FAT1: variants seen among roughly 807,000 people sequenced by gnomAD.
The protein encoded by FAT1 is FAT atypical cadherin 1.
A neutral mutation model predicts 329.8 loss-of-function variants in FAT1; 171 were observed. The ratio of observed to expected loss-of-function variants is 0.52; its 90% CI spans 0.46 to 0.59. The LOEUF (loss-of-function observed/expected upper bound fraction) is 0.59. Ranked by LOEUF, FAT1 falls within the 20% of genes least tolerant of loss-of-function variation. The pLI is 0.00. For synonymous variants in FAT1, 2,233 were observed against 2,228.6 expected, an observed-to-expected ratio of 1.00 and a Z score of -0.06; for missense variants, 5,672 against 5,774.4, an observed-to-expected ratio of 0.98 and a Z score of 0.57.
At chr4:186,671,628 G>A (rs888010696) in intron 2 of FAT1, among the ~76,000 whole-genome samples, 5 of 152,084 alleles carry the variant, frequency 3.3e-5, no homozygotes, top group Non-Finnish European at 7.4e-5. Flanking sequence ...GAACCCAGGA[G>A]GTGGAGGTTG....
intron 3 of FAT1, among the ~76,000 whole-genome samples, chr4:186,662,908 C>G (rs533672587): frequency 7.9e-5 from 12 of 152,100 alleles, no homozygotes; most frequent in African/African-American, 2.7e-4. Flanking sequence ...ACCATCTCGG[C>G]TCACTGCAAG....
At chr4:186,599,074 C>T (rs535439963) in intron 22 of FAT1, among the ~76,000 whole-genome samples, 2 of 152,184 alleles carry the variant, frequency 1.3e-5, no homozygotes, top group East Asian at 1.9e-4. Context: ...CAGGAAAGCA[C>T]CTCTCTCAGC....
intron 9 of FAT1, among the ~76,000 whole-genome samples, chr4:186,625,115 A>G (rs990035068): frequency 6.6e-6 from 1 of 152,212 alleles, no homozygotes; most frequent in Non-Finnish European, 1.5e-5. Context: ...CTCAGACACC[A>G]ACAATCATAT....
At chr4:186,606,270 A>G (rs2126449129) in intron 16 of FAT1, 57 bp from the exon 17 acceptor site, 2 of 1,593,538 alleles carry the variant, frequency 1.3e-6, no homozygotes, top group South Asian at 2.3e-5. Context: ...CAGAGCTCCA[A>G]TGAGGAGTGT....
At chr4:186,600,516 A>C (rs1036987110) in intron 21 of FAT1, among the ~76,000 whole-genome samples, 156 bp from the exon 22 acceptor site, 1 of 152,270 alleles carries the variant, frequency 6.6e-6, no homozygotes, top group African/African-American at 2.4e-5. Context: ...TCCACTGTAT[A>C]AATCATTAAA....
rs1738903602 is a variant in FAT1 at position 186,603,160 on chromosome 4, C to T, written c.11350+16G>A. ...ACCATCTGTGACACCGACTTTCATA[C>T]ACTCATGTGCAGTACCTTTGCAGAG... On this transcript the variant is annotated intron_variant, in intron 19 of 26. Coordinates refer to ENST00000441802, the MANE Select transcript of FAT1 (RefSeq NM_005245.4). 1 of 1,611,270 alleles carries T rather than the reference C, an allele frequency of 6.2e-7. No homozygotes were observed. The highest frequency in any genetic ancestry group is 1.1e-5 in the South Asian group (1 of 90,962).
At position 186,618,959 on chromosome 4, in the gene FAT1, T is replaced by C. The variant is rs1739874011; in HGVS notation, c.7627A>G (p.Asn2543Asp). ...NDFAKDRFYINERGQIFTLEK... is the reference protein window; with the variant it reads ...NDFAKDRFYIDERGQIFTLEK... ...AAAGTAAATATCTGTCCTCTCTCAT[T>C]TATGTAAAATCTGTCTTTGGCAAAG... is the stretch of plus-strand genomic sequence containing the variant. The change falls in exon 10 of 27, where the codon AAT (asparagine) becomes GAT (aspartate). Residue 2543 changes from asparagine to aspartate, a missense_variant. By Grantham distance (23) the Asn-to-Asp change is conservative (BLOSUM62 1). Around this residue, in one of 2 missense-constraint regions of FAT1, gnomAD observed 3,966 missense variants for 3,915.2 expected, o/e 1.01. Coordinates refer to ENST00000441802, the MANE Select transcript of FAT1 (RefSeq NM_005245.4). 2 of 1,613,954 alleles carry C rather than the reference T, an allele frequency of 1.2e-6. No homozygotes were observed. The highest frequency in any genetic ancestry group is 8.5e-7 in the Non-Finnish European group (1 of 1,179,890).
rs752838566 is a variant in FAT1 at position 186,707,599 on chromosome 4, G to A, written c.2229C>T (p.Asp743=). The change falls in exon 2 of 27, where the codon GAC becomes GAT. Residue 743 remains aspartate, a synonymous_variant. Transcript: ENST00000441802. ...GTTTTCCATTGAAGCCAGTGTCAAG[G>A]TCAGTGGAGTTCATGAAAATTACAC... ...GSSVIFMNST[D]LDTGFNGKLV... The A allele has an allele frequency of 3.7e-6, 6 of 1,613,858 alleles. No homozygotes were observed. Among genetic ancestry groups the A allele is most frequent in the Admixed American group, 1.7e-5 (1 of 59,998 alleles).
chr4:186,597,649 G>C (rs749054777), intron 24 of FAT1, 33 bp downstream of exon 24: 1 of 1,508,768 alleles, frequency 6.6e-7, no homozygotes, highest in East Asian at 2.3e-5. Flanking sequence ...CTATGAAAAG[G>C]TATGAACCTA....
intron 3 of FAT1, among the ~76,000 whole-genome samples, chr4:186,647,449 G>A (rs1011753833): frequency 6.6e-6 from 1 of 152,136 alleles, no homozygotes; most frequent in Non-Finnish European, 1.5e-5. Context: ...CAGAGTCCAA[G>A]CTCTTAATTC....
intron 16 of FAT1, among the ~76,000 whole-genome samples, chr4:186,607,362 C>CTGG (rs2126452096): frequency 6.6e-6 from 1 of 150,840 alleles, no homozygotes; most frequent in Admixed American, 6.6e-5. Context: ...TGGATGGATG[C>CTGG]ATAGATGGGT....
chr4:186,592,910 T>C (rs1395617903), intron 26 of FAT1, among the ~76,000 whole-genome samples: 1 of 152,262 alleles, frequency 6.6e-6, no homozygotes, highest in Non-Finnish European at 1.5e-5. Context: ...TCCTCACTGT[T>C]AGCTGTGTGT....
chr4:186,626,646 C>A (rs1372062344), intron 9 of FAT1, among the ~76,000 whole-genome samples: 1 of 126,678 alleles, frequency 7.9e-6, no homozygotes. Flanking sequence ...CACCAGCCCA[C>A]AGAATGAATG....
intron 3 of FAT1, among the ~76,000 whole-genome samples, chr4:186,657,968 T>C (rs1158098222): frequency 1.3e-5 from 2 of 152,188 alleles, no homozygotes; most frequent in African/African-American, 4.8e-5. Flanking sequence ...TCTCTGTCCT[T>C]GACACACCAC....
At chr4:186,645,171 C>T (rs966538909) in intron 3 of FAT1, among the ~76,000 whole-genome samples, 1 of 151,468 alleles carries the variant, frequency 6.6e-6, no homozygotes, top group Non-Finnish European at 1.5e-5. Flanking sequence ...GTGAGGCCAC[C>T]GAGGACCAGC....
rs189092948 is a variant in FAT1 at position 186,594,291 on chromosome 4, A to G, written c.13138+1398T>C. On this transcript the variant is annotated intron_variant, in intron 26 of 26. Coordinates refer to ENST00000441802, the MANE Select transcript of FAT1 (RefSeq NM_005245.4). ...ACTGCCAGGACGGTCTCGATCTCCCAACCTTGTGATCCGCCCGCCTTCACC... is the reference window on the plus strand; with the variant it reads ...ACTGCCAGGACGGTCTCGATCTCCCGACCTTGTGATCCGCCCGCCTTCACC... Among the ~76,000 whole-genome samples, 221 of 150,042 alleles carry G rather than the reference A, an allele frequency of 1.5e-3. 2 individuals carry two copies. Among genetic ancestry groups the G allele is most frequent in the African/African-American group, 5.3e-3 (209 of 39,738 alleles).
chr4:186,603,789 G>A lies in FAT1; in HGVS notation c.10737C>T (p.Thr3579=), dbSNP rs1477237797. 1 of 1,613,942 alleles carries A rather than the reference G, an allele frequency of 6.2e-7. No individual in the cohort carries two copies. The highest frequency in any genetic ancestry group is 8.5e-7 in the Non-Finnish European group (1 of 1,179,886). Residue 3579 remains threonine, a synonymous_variant, in exon 19 of 27, where the codon ACC becomes ACT. Coordinates refer to ENST00000441802, the MANE Select transcript of FAT1 (RefSeq NM_005245.4). ...ATDQDVYDTL[T]YSLDPQMDNL... is the part of the protein sequence containing the mutation. ...TGTCCATCTGAGGGTCGAGACTGTAGGTTAGAGTATCATACACGTCCTGGT... is the reference window on the plus strand; with the variant it reads ...TGTCCATCTGAGGGTCGAGACTGTAAGTTAGAGTATCATACACGTCCTGGT...
intron 2 of FAT1, among the ~76,000 whole-genome samples, chr4:186,670,517 C>T (rs1258691786): frequency 6.6e-6 from 1 of 152,172 alleles, no homozygotes; most frequent in Non-Finnish European, 1.5e-5. Context: ...CATCAACACA[C>T]TAGAGAGCCA....
intron 2 of FAT1, among the ~76,000 whole-genome samples, chr4:186,672,990 G>A (rs1742801763): frequency 6.6e-6 from 1 of 151,914 alleles, no homozygotes; most frequent in Admixed American, 6.6e-5. Context: ...ATTATATGAT[G>A]GTACATACAC....
Sources: gnomAD v4.1 joint callset for allele counts (sites outside exome capture counted in the v4.1 genomes callset) on GRCh38, gnomAD v4.1.1 for gene constraint, gnomAD v4.1.1 regional missense constraint, MANE v1.5 for transcripts, NCBI Gene and HGNC (gene_info 2026-07-23, HGNC 2026-07-21) for gene names.